The following PLPBP variants were observed in gnomAD, a reference collection of about 807,000 sequenced individuals.
The protein encoded by PLPBP is pyridoxal phosphate homeostasis protein.
A neutral mutation model predicts 31.2 loss-of-function variants in PLPBP; 21 were observed. The observed-to-expected ratio is 0.67, with a 90% confidence interval of 0.48 to 0.97. PLPBP has a LOEUF of 0.97. Ranked by LOEUF, PLPBP falls within the 50% of genes least tolerant of loss-of-function variation. The pLI is 0.00. For missense variants in PLPBP, 308 were observed against 354.4 expected (o/e 0.87, Z 1.05); for synonymous variants, 124 against 135.6 (o/e 0.91, Z 0.59).
At chr8:37,771,371 C>T (rs951545015) in intron 4 of PLPBP, among the ~76,000 whole-genome samples, 1 of 152,030 alleles carries the variant, frequency 6.6e-6, no homozygotes, top group African/African-American at 2.4e-5. Flanking sequence ...AACTCCTGGC[C>T]TCAAGTGATT....
chr8:37,765,959 C>T (rs1213394597), intron 3 of PLPBP, among the ~76,000 whole-genome samples: 1 of 152,016 alleles, frequency 6.6e-6, no homozygotes. Context: ...TCATTGGTGG[C>T]TGTTTGGAAA....
intron 7 of PLPBP, among the ~76,000 whole-genome samples, chr8:37,776,478 CAAAAAAAAAA>C (rs915875297): frequency 9.4e-4 from 10 of 10,638 alleles, no homozygotes; most frequent in Admixed American, 7.0e-3. Context: ...GACTCCATCT[CAAAAAAAAAA>C]AAAAAAAAAA....
intron 4 of PLPBP, among the ~76,000 whole-genome samples, chr8:37,770,830 G>T (rs761023939): frequency 5.3e-5 from 8 of 152,194 alleles, no homozygotes; most frequent in Non-Finnish European, 1.0e-4. Flanking sequence ...GCCCACCTCA[G>T]CCTCCCAAGG....
intron 7 of PLPBP, among the ~76,000 whole-genome samples, chr8:37,776,478 C>CAAAAA (rs915875297): frequency 3.0e-3 from 32 of 10,608 alleles, no homozygotes; most frequent in Non-Finnish European, 4.0e-3. Context: ...GACTCCATCT[C>CAAAAA]AAAAAAAAAA....
At chr8:37,777,899 G>T in intron 7 of PLPBP, 74 bp from the exon 8 acceptor site, 1 of 1,501,530 alleles carries the variant, frequency 6.7e-7, no homozygotes. Flanking sequence ...GCCAGAATGG[G>T]GGCACAGCTT....
chr8:37,775,819 A>T, intron 6 of PLPBP, 99 bp from the exon 7 acceptor site: 1 of 1,236,960 alleles, frequency 8.1e-7, no homozygotes, highest in Non-Finnish European at 1.2e-6. Flanking sequence ...TTGAAATCAT[A>T]AGGAATACAT....
chr8:37,772,977 A>T, intron 5 of PLPBP, 88 bp downstream of exon 5: 2 of 1,525,678 alleles, frequency 1.3e-6, no homozygotes, highest in Non-Finnish European at 1.8e-6. Flanking sequence ...TGTCTGATGG[A>T]TAAGGTTATA....
intron 1 of PLPBP, 21 bp from the exon 2 acceptor site, chr8:37,765,505 T>C (rs1563323549): frequency 1.9e-6 from 3 of 1,607,180 alleles, no homozygotes; most frequent in Middle Eastern, 1.9e-4. Flanking sequence ...TTCACTCATA[T>C]GGCTCTTTCC....
At chr8:37,767,911 T>C (rs753873659) in intron 4 of PLPBP, among the ~76,000 whole-genome samples, 18 of 149,756 alleles carry the variant, frequency 1.2e-4, no homozygotes, top group Admixed American at 4.0e-4. Flanking sequence ...GTTCAAGCGA[T>C]TCTCCTGCCT....
rs571764409 is a variant in PLPBP, at chr8:37,774,089, T to C, written c.454+1200T>C. Among the ~76,000 whole-genome samples the C allele has an allele frequency of 3.9e-5, 6 of 152,082 alleles. No homozygotes were observed. The East Asian group carries it at 7.8e-4, about 20-fold the overall frequency. ...AGCCAGGCATGATGGTGTGCACCCA[T>C]AGCCCCAGCTGCTCGGGATGCTGAG... On this transcript the variant is annotated intron_variant, in intron 5 of 7. Coordinates refer to ENST00000328195, the MANE Select transcript of PLPBP (RefSeq NM_007198.4).
intron 4 of PLPBP, among the ~76,000 whole-genome samples, chr8:37,770,143 T>C (rs1483408269): frequency 1.3e-5 from 2 of 152,178 alleles, no homozygotes; most frequent in Non-Finnish European, 2.9e-5. Flanking sequence ...AACACAGTCC[T>C]GAAATTTATA....
chr8:37,763,990 G>T (rs934076370), intron 1 of PLPBP, among the ~76,000 whole-genome samples: 1 of 151,298 alleles, frequency 6.6e-6, no homozygotes, highest in African/African-American at 2.4e-5. Flanking sequence ...TAGTGGTCGT[G>T]AGAGGATGTC....
intron 4 of PLPBP, among the ~76,000 whole-genome samples, chr8:37,768,507 C>G (rs1803694082): frequency 1.7e-5 from 2 of 119,792 alleles, no homozygotes; most frequent in South Asian, 5.6e-4. Context: ...GATTCTCACT[C>G]TGTTGCCCGG....
chr8:37,765,282 A>G (rs949398516), intron 1 of PLPBP, among the ~76,000 whole-genome samples: 1 of 152,226 alleles, frequency 6.6e-6, no homozygotes, highest in Non-Finnish European at 1.5e-5. Context: ...TGAGAGAGAC[A>G]TTTCTTCTGC....
intron 4 of PLPBP, among the ~76,000 whole-genome samples, chr8:37,771,174 T>C (rs947773182): frequency 1.3e-5 from 2 of 151,886 alleles, no homozygotes; most frequent in African/African-American, 4.8e-5. Flanking sequence ...TCTTGCTCTG[T>C]CACCCAGGCT....
chr8:37,769,279 T>C (rs1803714121), intron 4 of PLPBP, among the ~76,000 whole-genome samples: 1 of 152,002 alleles, frequency 6.6e-6, no homozygotes, highest in Non-Finnish European at 1.5e-5. Context: ...AAGCCTGCAG[T>C]GAGCTGTGAT....
chr8:37,773,312 C>T (rs571357372), intron 5 of PLPBP, among the ~76,000 whole-genome samples: 13 of 151,116 alleles, frequency 8.6e-5, no homozygotes, highest in Admixed American at 7.3e-4. Context: ...GGACTACAGG[C>T]GTGCACCACC....
chr8:37,766,501 A>G, intron 4 of PLPBP, 146 bp downstream of exon 4: 1 of 1,309,842 alleles, frequency 7.6e-7, no homozygotes. Flanking sequence ...AGTTCTTAAT[A>G]AAAAGAGAAA....
chr8:37,778,034 CAAAG>C lies in PLPBP; in HGVS notation c.762_765del (p.Lys254AsnfsTer11). On this transcript the variant is annotated frameshift_variant, in exon 8 of 8. Coordinates refer to ENST00000328195, the MANE Select transcript of PLPBP (RefSeq NM_007198.4). LOFTEE classifies it low-confidence loss of function (END_TRUNC). Reference sequence around the variant, plus strand: ...ACGATTTTTGGAGAGCGGGATTACTCAAAGAAACCCACCCCGGACAAGTGCGCAG... The same window carrying C: ...ACGATTTTTGGAGAGCGGGATTACTCAAACCCACCCCGGACAAGTGCGCAG... The C allele has an allele frequency of 1.9e-6, 3 of 1,613,872 alleles. No homozygotes were observed. Among genetic ancestry groups the C allele is most frequent in the Non-Finnish European group, 2.5e-6 (3 of 1,179,798 alleles).
Sources: allele counts gnomAD v4.1 joint callset (sites outside exome capture counted in the v4.1 genomes callset), GRCh38; gene constraint gnomAD v4.1.1; transcripts MANE v1.5; gene names NCBI Gene and HGNC (gene_info 2026-07-23, HGNC 2026-07-21).